The following PDE6A variants were observed in gnomAD, a reference collection of about 807,000 sequenced individuals.
The protein encoded by PDE6A is phosphodiesterase 6A, also known as rod cGMP-specific 3',5'-cyclic phosphodiesterase subunit alpha.
A neutral mutation model predicts 106.3 loss-of-function variants in PDE6A; 84 were observed. The ratio of observed to expected loss-of-function variants is 0.79; its 90% CI spans 0.66 to 0.95. PDE6A has a LOEUF of 0.95. PDE6A is among the 40% of genes least tolerant of loss of function. PDE6A has a pLI of 0.00. For missense variants in PDE6A, 1,052 were observed against 1,084.9 expected, an observed-to-expected ratio of 0.97 and a Z score of 0.43; for synonymous variants, 394 against 386.6, an observed-to-expected ratio of 1.02 and a Z score of -0.23.
chr5:149,923,503 AATAACATAACATAAC>A (rs70973555), intron 4 of PDE6A, among the ~76,000 whole-genome samples: 41,395 of 136,842 alleles, frequency 0.3, 6,861 homozygotes, highest in Non-Finnish European at 0.35. Flanking sequence ...GTCTCAAATA[AATAACATAACATAAC>A]ATAACATAAC....
intron 17 of PDE6A, among the ~76,000 whole-genome samples, 165 bp from the exon 18 acceptor site, chr5:149,868,323 A>T (rs1156817305): frequency 1.3e-5 from 2 of 152,358 alleles, no homozygotes; most frequent in East Asian, 3.9e-4. Context: ...CTTTGAAATC[A>T]AACAGGGTTA....
chr5:149,894,713 C>T (rs1341523984), intron 13 of PDE6A, among the ~76,000 whole-genome samples: 1 of 145,206 alleles, frequency 6.9e-6, no homozygotes, highest in African/African-American at 2.6e-5. Flanking sequence ...CTCACTGCAA[C>T]CTCTGCCTCC....
intron 10 of PDE6A, among the ~76,000 whole-genome samples, chr5:149,897,019 T>C (rs1237639640): frequency 6.6e-6 from 1 of 152,218 alleles, no homozygotes; most frequent in African/African-American, 2.4e-5. Context: ...AGTTTCCTCA[T>C]CTGTAAGTTG....
At position 149,858,334 on chromosome 5, in the gene PDE6A, A is replaced by G. The variant is rs559249270; in HGVS notation, c.*2561T>C. On this transcript the variant is annotated 3_prime_UTR_variant, in exon 22 of 22. Coordinates refer to ENST00000255266, the MANE Select transcript of PDE6A (RefSeq NM_000440.3). ...GACAAGTGTAACAAATTGACTTGCA[A>G]ATTTTTAGCATGTTATTGCCATTTT... 1.4e-4 allele frequency: 22 copies of G among 152,296 alleles called. No individual in the cohort carries two copies. The highest frequency in any genetic ancestry group is 5.3e-4 in the African/African-American group (22 of 41,552). 9.4% of individuals were successfully genotyped at this position (152,296 alleles called of 1,614,324 possible).
intron 14 of PDE6A, 56 bp downstream of exon 14, chr5:149,886,209 C>T (rs1255419354): frequency 9.2e-6 from 12 of 1,306,932 alleles, no homozygotes; most frequent in African/African-American, 1.4e-5. Context: ...CTGGGAGCCA[C>T]ACAGAGCTGG....
chr5:149,884,306 GTGTATATATGTATA>G (rs1393514278), intron 16 of PDE6A, among the ~76,000 whole-genome samples, 159 bp downstream of exon 16: 5 of 144,638 alleles, frequency 3.5e-5, no homozygotes, highest in Non-Finnish European at 7.5e-5. Flanking sequence ...ATGTATATAT[GTGTATATATGTATA>G]TATGTGTATA....
chr5:149,878,001 C>G (rs1760801061), intron 17 of PDE6A, among the ~76,000 whole-genome samples: 1 of 152,152 alleles, frequency 6.6e-6, no homozygotes, highest in African/African-American at 2.4e-5. Context: ...AATAGTCCCT[C>G]CGTTTGGCTG....
intron 4 of PDE6A, among the ~76,000 whole-genome samples, chr5:149,926,874 A>T (rs556088359): frequency 4.3e-4 from 65 of 150,084 alleles, no homozygotes; most frequent in African/African-American, 1.5e-3. Flanking sequence ...GCTACTTGGG[A>T]GGCTGAGGCT....
chr5:149,934,501 AG>A, intron 2 of PDE6A, 64 bp downstream of exon 2: 1 of 1,545,002 alleles, frequency 6.5e-7, no homozygotes, highest in Non-Finnish European at 9.0e-7. Flanking sequence ...AGCAAAGTTC[AG>A]GGGACTTCAT....
intron 8 of PDE6A, among the ~76,000 whole-genome samples, chr5:149,900,023 C>T (rs1752907984): frequency 6.6e-6 from 1 of 152,020 alleles, no homozygotes; most frequent in African/African-American, 2.4e-5. Context: ...GAATCTGTGC[C>T]TCACTGAACA....
chr5:149,882,892 G>A (rs1411460909), intron 17 of PDE6A, among the ~76,000 whole-genome samples: 1 of 151,964 alleles, frequency 6.6e-6, no homozygotes, highest in African/African-American at 2.4e-5. Context: ...ACCCGGTCTC[G>A]ACTAAAAATA....
intron 17 of PDE6A, among the ~76,000 whole-genome samples, chr5:149,873,497 A>ATTTTTT (rs2113523700): frequency 6.6e-6 from 1 of 152,074 alleles, no homozygotes; most frequent in East Asian, 1.9e-4. Context: ...ACGCCCAGCT[A>ATTTTTT]ATTTTTGTAT....
intron 17 of PDE6A, among the ~76,000 whole-genome samples, chr5:149,869,329 CAAAAAAA>C (rs11316552): frequency 1.1e-5 from 1 of 91,386 alleles, no homozygotes; most frequent in Non-Finnish European, 2.2e-5. Flanking sequence ...GACTCCATAT[CAAAAAAA>C]AAAAAAAAAA....
At chr5:149,900,375 G>GTATATGTATATATATATATATATATATA (rs1752924278) in intron 8 of PDE6A, among the ~76,000 whole-genome samples, 1 of 82,584 alleles carries the variant, frequency 1.2e-5, no homozygotes, top group Non-Finnish European at 2.4e-5. Flanking sequence ...AAATATATAT[G>GTATATGTATATATATATATATATATATA]TATATATATA....
rs568428704 is a variant in PDE6A at position 149,889,081 on chromosome 5, C to CAAAAAAAAAAAA, written c.1729-2719_1729-2708dup. Among the ~76,000 whole-genome samples the CAAAAAAAAAAAA allele has an allele frequency of 6.2e-4, 38 of 61,572 alleles. 5 individuals carry two copies. Among genetic ancestry groups the CAAAAAAAAAAAA allele is most frequent in the African/African-American group, 1.9e-3 (26 of 14,054 alleles). 40.4% of individuals were successfully genotyped at this position (61,572 alleles called of 152,430 possible). The stretch of plus-strand genomic sequence containing the variant: ...TGGGCGACAGAGTGAGACTCTGTCT[C>CAAAAAAAAAAAA]AAAAAAAAAAAAAAAAAGATCAGAA... On this transcript the variant is annotated intron_variant, in intron 13 of 21. Transcript: ENST00000255266.
In PDE6A at chr5:149,865,730, A is replaced by G. The variant is rs116017143; in HGVS notation, c.2358+440T>C. ...GGCCAAAATAAAAATTAAAAGTCAG[A>G]GGTGGATGGTGGCACAGATTAACAG... On this transcript the variant is annotated intron_variant, in intron 20 of 21. Transcript: ENST00000255266. 2.1e-3 allele frequency among the ~76,000 whole-genome samples: 318 copies of G among 152,336 alleles called. 1 individual carries two copies. Among genetic ancestry groups the G allele is most frequent in the African/African-American group, 7.1e-3 (296 of 41,570 alleles).
rs375085230 is a variant in PDE6A, at chr5:149,914,877, G to A, written c.998+66C>T. ...AGTGTTGCCCAATTCCAGAATCACCGATAAAGCCAATTGAGATCTTTAAGC... is the reference window on the plus strand; with the variant it reads ...AGTGTTGCCCAATTCCAGAATCACCAATAAAGCCAATTGAGATCTTTAAGC... On this transcript the variant is annotated intron_variant, in intron 6 of 21. Coordinates refer to ENST00000255266, the MANE Select transcript of PDE6A (RefSeq NM_000440.3). The A allele has an allele frequency of 3.5e-4, 370 of 1,066,362 alleles. No homozygotes were observed. The Middle Eastern group carries it at 7.0e-3, about 20-fold the overall frequency. 66.1% of individuals were successfully genotyped at this position (1,066,362 alleles called of 1,614,324 possible).
Position 149,863,513 on chromosome 5 carries a change from C to A in PDE6A, c.2359-247G>T, listed in dbSNP as rs1397584714. Among the ~76,000 whole-genome samples the A allele has an allele frequency of 6.6e-6, 1 of 152,228 alleles. No homozygotes were observed. Among genetic ancestry groups the A allele is most frequent in the Admixed American group, 6.5e-5 (1 of 15,280 alleles). On this transcript the variant is annotated intron_variant, in intron 20 of 21. Transcript: ENST00000255266. This position sits in a 1 kb window ranked among gnomAD's most constrained non-coding sequence, Gnocchi z 4.7. ...AACCCCTTACTATGGCTTTCAAACT[C>A]CATGACCCAGTGTCCTCCTGCCCTT...
intron 3 of PDE6A, chr5:149,932,004 T>C (rs1485373401): frequency 1.3e-5 from 19 of 1,487,282 alleles, no homozygotes; most frequent in South Asian, 1.1e-4. Flanking sequence ...GAGCTGATGT[T>C]ACCTCTAGCG....
Sources: allele counts gnomAD v4.1 joint callset (sites outside exome capture counted in the v4.1 genomes callset), GRCh38; gene constraint gnomAD v4.1.1; non-coding constraint Gnocchi (gnomAD v3.1); transcripts MANE v1.5; gene names NCBI Gene and HGNC (gene_info 2026-07-23, HGNC 2026-07-21).